SGIP1: variants seen among roughly 807,000 people sequenced by gnomAD.
SGIP1 encodes the protein SH3-containing GRB2-like protein 3-interacting protein 1.
Under a neutral mutation model 107.5 loss-of-function variants are expected in SGIP1, and 38 were observed. The ratio of observed to expected loss-of-function variants is 0.35; its 90% confidence interval spans 0.27 to 0.46. The LOEUF is 0.46. SGIP1 is among the 20% of genes least tolerant of loss of function. The pLI is 1.00. For synonymous variants in SGIP1, 365 were observed against 366.1 expected (o/e 1.00, Z 0.03); for missense variants, 929 against 1,019.5 (o/e 0.91, Z 1.21).
rs141706505 is a variant in SGIP1, at chr1:66,702,683, G to A, written c.1630+7190G>A. On this transcript the variant is annotated intron_variant, in intron 18 of 24. Coordinates refer to ENST00000371037, the MANE Select transcript of SGIP1 (RefSeq NM_032291.4). ...TGTCTGGTGGTGACTATACTTAGAAGCTTCTTGTATCTCTATCAGACTCAC... is the reference window on the plus strand; with the variant it reads ...TGTCTGGTGGTGACTATACTTAGAAACTTCTTGTATCTCTATCAGACTCAC... Among the ~76,000 whole-genome samples, 20 of 152,246 alleles carry A rather than the reference G, an allele frequency of 1.3e-4. 1 individual carries two copies. The East Asian group carries it at 3.9e-3, about 29-fold the overall frequency.
chr1:66,560,014 A>T (rs1305354201), intron 1 of SGIP1, among the ~76,000 whole-genome samples: 1 of 152,044 alleles, frequency 6.6e-6, no homozygotes, highest in Non-Finnish European at 1.5e-5. Flanking sequence ...TTGGCAAATT[A>T]CCAACATAGT....
Position 66,682,326 on chromosome 1 carries a change from G to T in SGIP1, c.1272G>T (p.Ser424=), listed in dbSNP as rs61798708. The T allele has an allele frequency of 5.0e-6, 8 of 1,613,978 alleles. No individual in the cohort carries two copies. In the African/African-American group the frequency reaches 1.1e-4, roughly 22 times the overall value. Residue 424 remains serine, a synonymous_variant, in exon 15 of 25, where the codon TCG becomes TCT. Transcript: ENST00000371037. ...CACCCACCTACAGGACTGTGGTTTC[G>T]TCCCCCGGACCTGGCTCGGGCCCTG... The part of the protein sequence containing the change: ...PPPPTYRTVV[S]SPGPGSGPGP...
At chr1:66,647,023 T>C (rs1160567417) in intron 7 of SGIP1, among the ~76,000 whole-genome samples, 1 of 152,208 alleles carries the variant, frequency 6.6e-6, no homozygotes, top group African/African-American at 2.4e-5. Flanking sequence ...TCTGGTCAGG[T>C]TGATTTGGCA....
chr1:66,595,310 TG>T (rs148339590), intron 1 of SGIP1, among the ~76,000 whole-genome samples: 5,666 of 152,248 alleles, frequency 0.037, 363 homozygotes, highest in African/African-American at 0.13. Context: ...CTGCTGAGCC[TG>T]AACTCACCCT....
At chr1:66,559,199 CA>C (rs1201965230) in intron 1 of SGIP1, among the ~76,000 whole-genome samples, 1 of 151,946 alleles carries the variant, frequency 6.6e-6, no homozygotes, top group African/African-American at 2.4e-5. Context: ...TGCAGAAGGT[CA>C]GGGGTGGGGT....
intron 7 of SGIP1, among the ~76,000 whole-genome samples, chr1:66,656,820 C>T (rs1319787558): frequency 1.3e-5 from 2 of 152,050 alleles, no homozygotes; most frequent in African/African-American, 2.4e-5. Flanking sequence ...CCCAACCAGT[C>T]GTAAATAACT....
rs190270206 is a variant in SGIP1 at position 66,739,609 on chromosome 1, C to A, written c.2234+72C>A. The A allele has an allele frequency of 4.1e-5, 61 of 1,487,100 alleles. No individual in the cohort carries two copies. The African/African-American group carries it at 7.0e-4, about 17-fold the overall frequency. 92.1% of individuals were successfully genotyped at this position (1,487,100 alleles called of 1,614,324 possible). A position where few individuals can be genotyped will look rare whatever the true frequency, so the allele number is the denominator to read the frequency against. On this transcript the variant is annotated intron_variant, in intron 22 of 24. Transcript: ENST00000371037. The stretch of plus-strand genomic sequence containing the variant: ...GAGGTCACAGACTCCTTAGCACTTG[C>A]GTGTCCTGTAGGAGGAGATGACAGC...
At chr1:66,546,237 G>A (rs946066822) in intron 1 of SGIP1, among the ~76,000 whole-genome samples, 5 of 152,144 alleles carry the variant, frequency 3.3e-5, no homozygotes, top group Non-Finnish European at 5.9e-5. Context: ...CATCTGCCAC[G>A]TAGGATCACA....
intron 1 of SGIP1, among the ~76,000 whole-genome samples, chr1:66,588,936 T>G (rs1473149036): frequency 6.6e-6 from 1 of 151,190 alleles, no homozygotes; most frequent in Non-Finnish European, 1.5e-5. Context: ...AAGGTAAAAT[T>G]TGGTAGAAAT....
Position 66,643,710 on chromosome 1 carries a change from A to C in SGIP1, c.450A>C (p.Pro150=). Residue 150 remains proline (P), a synonymous_variant, in exon 7 of 25, where the codon CCA becomes CCC. Transcript: ENST00000371037. ...KASIGNIALS[P]SPVRKSPRRS... ...CAATAGGCAACATCGCACTTTCCCC[A>C]TCACCAGTGGTGAGTGTTGTGTGTG... 1 of 1,608,192 alleles carries C rather than the reference A, an allele frequency of 6.2e-7. No individual in the cohort carries two copies. Among genetic ancestry groups the C allele is most frequent in the Non-Finnish European group, 8.5e-7 (1 of 1,177,858 alleles).
chr1:66,587,024 CT>C (rs2062733002), intron 1 of SGIP1, among the ~76,000 whole-genome samples: 1 of 152,068 alleles, frequency 6.6e-6, no homozygotes, highest in African/African-American at 2.4e-5. Context: ...CTGCTTTCCT[CT>C]AGTCTCCACA....
intron 1 of SGIP1, among the ~76,000 whole-genome samples, chr1:66,604,207 C>T (rs1032126416): frequency 2.0e-5 from 3 of 151,928 alleles, no homozygotes; most frequent in Non-Finnish European, 4.4e-5. Context: ...ATGTTTCTAC[C>T]GATAAAAGAA....
chr1:66,642,775 A>G (rs2077013038), intron 5 of SGIP1, 35 bp from the exon 6 acceptor site: 2 of 1,568,970 alleles, frequency 1.3e-6, no homozygotes, highest in Non-Finnish European at 1.7e-6. Flanking sequence ...CACTGTTAGG[A>G]TAATAATTAC....
rs778208390 is a variant in SGIP1, at chr1:66,695,468, A to G, written c.1605A>G (p.Arg535=). 3.7e-6 allele frequency: 6 copies of G among 1,614,080 alleles called. No individual in the cohort carries two copies. The highest frequency in any genetic ancestry group is 5.1e-6 in the Non-Finnish European group (6 of 1,179,992). Residue 535 remains arginine (R), a synonymous_variant, in exon 18 of 25, where the codon AGA becomes AGG. Transcript: ENST00000371037. ...NEQPSLVWFD[R]GKFYLTFEGS... Reference sequence around the variant, plus strand: ...AGCCTTCCCTCGTTTGGTTTGACAGAGGAAAGTTTTATTTGACTTTTGAAG... The same window carrying G: ...AGCCTTCCCTCGTTTGGTTTGACAGGGGAAAGTTTTATTTGACTTTTGAAG...
chr1:66,641,383 G>A (rs974946904), intron 5 of SGIP1, among the ~76,000 whole-genome samples: 2 of 151,958 alleles, frequency 1.3e-5, no homozygotes, highest in African/African-American at 4.8e-5. Context: ...CTTTCTCCAT[G>A]GTTATGGCAT....
chr1:66,684,325 A>G, intron 15 of SGIP1: 1 of 1,309,286 alleles, frequency 7.6e-7, no homozygotes, highest in East Asian at 2.6e-5. Context: ...AAGATCACCA[A>G]AAGTCTTCTC....
At chr1:66,629,765 A>G (rs2073840943) in intron 2 of SGIP1, among the ~76,000 whole-genome samples, 1 of 152,214 alleles carries the variant, frequency 6.6e-6, no homozygotes, top group African/African-American at 2.4e-5. Context: ...AAATTAGAAC[A>G]CATGCCCAAG....
At chr1:66,604,856 T>A (rs1270028125) in intron 1 of SGIP1, among the ~76,000 whole-genome samples, 1 of 152,202 alleles carries the variant, frequency 6.6e-6, no homozygotes, top group African/African-American at 2.4e-5. Flanking sequence ...CATCCAATCA[T>A]TCACTTAGTT....
rs2094574409 is a variant in SGIP1 at position 66,747,912 on chromosome 1, C to A, written c.*4817C>A. ...ATTTTTTTAAAAAATGGAAGTGTTA[C>A]ATTATATTTAATAATATCAAAACAA... On this transcript the variant is annotated 3_prime_UTR_variant, in exon 25 of 25. Coordinates refer to ENST00000371037, the MANE Select transcript of SGIP1 (RefSeq NM_032291.4). The A allele has an allele frequency of 6.6e-6, 1 of 151,884 alleles. No individual in the cohort carries two copies. The highest frequency in any genetic ancestry group is 1.5e-5 in the Non-Finnish European group (1 of 67,838). 9.4% of individuals were successfully genotyped at this position (151,884 alleles called of 1,614,324 possible). A position where few individuals can be genotyped will look rare whatever the true frequency, so the allele number is the denominator to read the frequency against.
Sources: gnomAD v4.1 joint callset for allele counts (sites outside exome capture counted in the v4.1 genomes callset) on GRCh38, gnomAD v4.1.1 for gene constraint, MANE v1.5 for transcripts, NCBI Gene and HGNC (gene_info 2026-07-23, HGNC 2026-07-21) for gene names.